SLC35F4: variants seen among roughly 807,000 people sequenced by gnomAD.
SLC35F4 encodes the protein chromosome 14 open reading frame 36.
Under a neutral mutation model 44.2 loss-of-function variants are expected in SLC35F4, and 24 were observed. The observed-to-expected ratio is 0.54, with a 90% CI of 0.39 to 0.76. SLC35F4 has a LOEUF of 0.76. Among genes scored for constraint, SLC35F4 ranks in the 30% least tolerant of loss-of-function variants. SLC35F4 has a pLI of 0.00. For synonymous variants in SLC35F4, 238 were observed against 223.6 expected, an observed-to-expected ratio of 1.06 and a Z score of -0.57; for missense variants, 562 against 586.1, an observed-to-expected ratio of 0.96 and a Z score of 0.42.
intron 1 of SLC35F4, among the ~76,000 whole-genome samples, chr14:57,782,614 C>A (rs2077650849): frequency 6.6e-6 from 1 of 152,196 alleles, no homozygotes; most frequent in African/African-American, 2.4e-5. Flanking sequence ...TACTGTACTA[C>A]AGTAATGATT....
chr14:57,804,330 A>T (rs987443423), intron 1 of SLC35F4, among the ~76,000 whole-genome samples: 2 of 152,226 alleles, frequency 1.3e-5, no homozygotes, highest in African/African-American at 4.8e-5. Context: ...CTAAGCAAAA[A>T]GAACAATGCT....
intron 7 of SLC35F4, among the ~76,000 whole-genome samples, chr14:57,565,375 C>T (rs964059891): frequency 6.6e-6 from 1 of 152,190 alleles, no homozygotes; most frequent in African/African-American, 2.4e-5. Context: ...TGCAGGAAGC[C>T]TTTTGGATGC....
At chr14:57,706,693 G>A (rs576287748) in intron 1 of SLC35F4, among the ~76,000 whole-genome samples, 17 of 152,272 alleles carry the variant, frequency 1.1e-4, no homozygotes, top group East Asian at 9.7e-4. Flanking sequence ...TGGAGTGGGC[G>A]AAAGAAAGCT....
chr14:57,610,255 T>C (rs188053471), intron 1 of SLC35F4, among the ~76,000 whole-genome samples: 1 of 152,180 alleles, frequency 6.6e-6, no homozygotes, highest in Non-Finnish European at 1.5e-5. Flanking sequence ...CAATATGAAA[T>C]GTGCTAATAT....
intron 1 of SLC35F4, among the ~76,000 whole-genome samples, chr14:57,910,498 G>A (rs1307156352): frequency 6.6e-6 from 1 of 151,932 alleles, no homozygotes; most frequent in Admixed American, 6.6e-5. Context: ...ATCTGTGTCT[G>A]GAGTCAATTT....
At chr14:57,816,023 T>G (rs767968260) in intron 1 of SLC35F4, among the ~76,000 whole-genome samples, 10 of 151,930 alleles carry the variant, frequency 6.6e-5, no homozygotes, top group Non-Finnish European at 1.3e-4. Flanking sequence ...AAGTAAAAAT[T>G]TGGGGGTCTG....
chr14:57,698,559 T>C (rs2075446720), intron 1 of SLC35F4, among the ~76,000 whole-genome samples: 1 of 152,168 alleles, frequency 6.6e-6, no homozygotes, highest in African/African-American at 2.4e-5. Flanking sequence ...ATAATGGAAT[T>C]GGAACACAAA....
chr14:57,918,545 T>C (rs1188074820), intron 1 of SLC35F4, among the ~76,000 whole-genome samples: 6 of 152,098 alleles, frequency 3.9e-5, no homozygotes, highest in African/African-American at 9.7e-5. Context: ...GACCAGAAAT[T>C]TGAAGTTGAC....
Position 57,773,644 on chromosome 14 carries a change from C to G in SLC35F4, c.103+92079G>C, listed in dbSNP as rs746582662. On this transcript the variant is annotated intron_variant, in intron 1 of 7. Transcript: ENST00000556826. ...TGCATAAAAATAGATTTTTTAAAAGCAGAAAATAGACAAAAAAAAAAGGCT... is the reference window on the plus strand; with the variant it reads ...TGCATAAAAATAGATTTTTTAAAAGGAGAAAATAGACAAAAAAAAAAGGCT... 1.7e-4 allele frequency among the ~76,000 whole-genome samples: 24 copies of G among 139,956 alleles called. No homozygotes were observed. The Admixed American group carries it at 1.7e-3, about 10-fold the overall frequency. The allele number at this position is 139,956 out of a possible 152,430, so 91.8% of individuals were successfully genotyped here.
intron 1 of SLC35F4, among the ~76,000 whole-genome samples, chr14:57,924,010 C>T (rs1317393906): frequency 2.0e-5 from 3 of 152,176 alleles, no homozygotes; most frequent in Non-Finnish European, 4.4e-5. Context: ...GAATGAGTCT[C>T]ACAAGATCTG....
chr14:57,583,828 G>GA (rs200446625), intron 3 of SLC35F4, among the ~76,000 whole-genome samples: 1,926 of 150,842 alleles, frequency 0.013, 31 homozygotes, highest in African/African-American at 0.04. Context: ...CATGAAAACT[G>GA]AAAAAAAAAT....
intron 1 of SLC35F4, among the ~76,000 whole-genome samples, chr14:57,599,774 C>G (rs2070703760): frequency 6.7e-6 from 1 of 148,358 alleles, no homozygotes. Flanking sequence ...TGCACTCCAG[C>G]CTGGGCGACA....
intron 1 of SLC35F4, among the ~76,000 whole-genome samples, chr14:57,853,685 A>G (rs11345943): frequency 6.9e-6 from 1 of 145,864 alleles, no homozygotes; most frequent in Non-Finnish European, 1.5e-5. Context: ...GGCAGTGGCT[A>G]TTTTCGACCA....
chr14:57,740,096 G>C (rs1186879805), intron 1 of SLC35F4, among the ~76,000 whole-genome samples: 1 of 152,164 alleles, frequency 6.6e-6, no homozygotes, highest in Admixed American at 6.5e-5. Context: ...CTGGCCTCAA[G>C]TGATCCACCT....
intron 1 of SLC35F4, among the ~76,000 whole-genome samples, chr14:57,727,777 T>C (rs1225203549): frequency 1.3e-5 from 2 of 152,228 alleles, no homozygotes; most frequent in African/African-American, 4.8e-5. Context: ...TTCTGAATGT[T>C]TTAAGACTTG....
At position 57,748,263 on chromosome 14, in the gene SLC35F4, T is replaced by C. The variant is rs772577180; in HGVS notation, c.103+117460A>G. On this transcript the variant is annotated intron_variant, in intron 1 of 7. Coordinates refer to ENST00000556826, the MANE Select transcript of SLC35F4 (RefSeq NM_001306087.2). ...AGCCCCAAATACTGAATTCTGGGACTGCTTCCATGGTATATTGACAATCCA... is the reference window on the plus strand; with the variant it reads ...AGCCCCAAATACTGAATTCTGGGACCGCTTCCATGGTATATTGACAATCCA... Among the ~76,000 whole-genome samples, 3 of 152,158 alleles carry C rather than the reference T, an allele frequency of 2.0e-5. No individual in the cohort carries two copies. The South Asian group carries it at 6.2e-4, about 32-fold the overall frequency.
At chr14:57,588,804 G>A (rs2069963307) in intron 3 of SLC35F4, among the ~76,000 whole-genome samples, 1 of 152,008 alleles carries the variant, frequency 6.6e-6, no homozygotes, top group Admixed American at 6.6e-5. Context: ...ATTTTTTTCT[G>A]GGCTTGATGC....
At chr14:57,652,183 A>G (rs1346615331) in intron 1 of SLC35F4, among the ~76,000 whole-genome samples, 1 of 152,230 alleles carries the variant, frequency 6.6e-6, no homozygotes, top group Non-Finnish European at 1.5e-5. Flanking sequence ...TATGGAAAAG[A>G]CTAGAATTTT....
At chr14:57,610,130 A>G (rs1408584045) in intron 1 of SLC35F4, among the ~76,000 whole-genome samples, 1 of 152,202 alleles carries the variant, frequency 6.6e-6, no homozygotes, top group Non-Finnish European at 1.5e-5. Context: ...AGGAGTCTCT[A>G]TGTTCCAGAC....
Sources: allele counts gnomAD v4.1 joint callset (sites outside exome capture counted in the v4.1 genomes callset), GRCh38; gene constraint gnomAD v4.1.1; transcripts MANE v1.5; gene names NCBI Gene and HGNC (gene_info 2026-07-23, HGNC 2026-07-21).